Variants in ANO3 observed in about 807,000 individuals in gnomAD.
ANO3 encodes the protein anoctamin-3.
A neutral mutation model predicts 144.8 loss-of-function variants in ANO3; 99 were observed. That is an observed-to-expected ratio of 0.68 (90% CI 0.58 to 0.81). ANO3 has a LOEUF of 0.81. ANO3 is among the 30% of genes least tolerant of loss of function. The probability of loss-of-function intolerance (pLI) is 0.00; values close to 1 mark genes in which losing one functional copy is unlikely to be tolerated. For missense variants in ANO3, 905 were observed against 1,202.2 expected (o/e 0.75, Z 3.66); for synonymous variants, 414 against 392.6 (o/e 1.05, Z -0.64).
At chr11:26,211,438 G>A (rs1056147700) in intron 1 of ANO3, among the ~76,000 whole-genome samples, 4 of 152,008 alleles carry the variant, frequency 2.6e-5, no homozygotes, top group African/African-American at 4.8e-5. Context: ...TAACATTTAT[G>A]TGGCCAATGA....
chr11:26,400,964 A>G (rs1205951798), intron 1 of ANO3, among the ~76,000 whole-genome samples: 1 of 151,968 alleles, frequency 6.6e-6, no homozygotes, highest in Non-Finnish European at 1.5e-5. Flanking sequence ...ACTTCATCCT[A>G]AAGTTAAGTA....
At chr11:26,235,014 G>C (rs563024004) in intron 1 of ANO3, among the ~76,000 whole-genome samples, 31 of 152,094 alleles carry the variant, frequency 2.0e-4, no homozygotes, top group African/African-American at 7.2e-4. Flanking sequence ...GAGAGAGAGA[G>C]AGAGAGAGAG....
At chr11:26,309,332 G>A (rs1220361156), upstream of ANO3, among the ~76,000 whole-genome samples, 1 of 152,134 alleles carries the variant, frequency 6.6e-6, no homozygotes, top group Non-Finnish European at 1.5e-5. Context: ...TATTAGAAGA[G>A]TGTGTTACCC....
At position 26,463,680 on chromosome 11, in the gene ANO3, C is replaced by G. The variant is rs149155340; in HGVS notation, c.432+532C>G. On this transcript the variant is annotated intron_variant, in intron 4 of 26. Coordinates refer to ENST00000256737, the MANE Select transcript of ANO3 (RefSeq NM_031418.4). Reference sequence around the variant, plus strand: ...TTATTGAAATTATAGTTCACCAATACAAAAATGAGGTAGAGTTCAATTTTA... The same window carrying G: ...TTATTGAAATTATAGTTCACCAATAGAAAAATGAGGTAGAGTTCAATTTTA... Among the ~76,000 whole-genome samples, 3 of 151,784 alleles carry G rather than the reference C, an allele frequency of 2.0e-5. 1 individual carries two copies. Among genetic ancestry groups the G allele is most frequent in the Admixed American group, 2.0e-4 (3 of 15,210 alleles).
At chr11:26,553,165 G>T in intron 12 of ANO3, 84 bp from the exon 13 acceptor site, 1 of 991,624 alleles carries the variant, frequency 1.0e-6, no homozygotes, top group South Asian at 1.4e-5. Context: ...GGTTCCAACA[G>T]GATTTGCTGT....
At chr11:26,460,219 A>G in intron 3 of ANO3, 2 of 341,036 alleles carry the variant, frequency 5.9e-6, no homozygotes. Flanking sequence ...CTTCTGTTAT[A>G]TATTTTTTCA....
intron 20 of ANO3, among the ~76,000 whole-genome samples, chr11:26,637,792 T>G (rs1853010982): frequency 6.6e-6 from 1 of 152,162 alleles, no homozygotes; most frequent in Non-Finnish European, 1.5e-5. Flanking sequence ...ATTTGTTCTC[T>G]TTGAAGTTCC....
chr11:26,506,795 T>A (rs1429620049), intron 4 of ANO3, among the ~76,000 whole-genome samples: 2 of 152,222 alleles, frequency 1.3e-5, no homozygotes, highest in Middle Eastern at 3.2e-3. Context: ...CTTTCTTGGA[T>A]ATTCTTTCTG....
At chr11:26,485,590 A>G (rs1316684356) in intron 4 of ANO3, among the ~76,000 whole-genome samples, 1 of 152,164 alleles carries the variant, frequency 6.6e-6, no homozygotes, top group South Asian at 2.1e-4. Flanking sequence ...TCAAGACCAG[A>G]AAAATACATC....
chr11:26,395,144 T>A (rs1320693481), intron 1 of ANO3, among the ~76,000 whole-genome samples: 1 of 152,180 alleles, frequency 6.6e-6, no homozygotes, highest in Non-Finnish European at 1.5e-5. Context: ...TTATCTGTTT[T>A]CGTACCAGTA....
intron 1 of ANO3, among the ~76,000 whole-genome samples, chr11:26,378,454 A>G (rs954527358): frequency 6.8e-6 from 1 of 147,244 alleles, no homozygotes; most frequent in African/African-American, 2.5e-5. Context: ...ATCTATCTAT[A>G]TAGACTAGTT....
intron 1 of ANO3, among the ~76,000 whole-genome samples, chr11:26,313,132 C>T (rs954000928): frequency 6.6e-6 from 1 of 152,064 alleles, no homozygotes; most frequent in Non-Finnish European, 1.5e-5. Context: ...CCTAGCATAT[C>T]GATGCAAAAT....
intron 8 of ANO3, among the ~76,000 whole-genome samples, chr11:26,531,887 T>C (rs750780056): frequency 3.3e-5 from 5 of 152,204 alleles, no homozygotes; most frequent in Non-Finnish European, 7.3e-5. Context: ...CTAGTATTTA[T>C]TGTGTTTCTA....
At chr11:26,194,413 A>C (rs892524012) in intron 1 of ANO3, among the ~76,000 whole-genome samples, 1 of 133,616 alleles carries the variant, frequency 7.5e-6, no homozygotes, top group African/African-American at 2.9e-5. Flanking sequence ...AATTTTCAAA[A>C]TTTTTCATCT....
chr11:26,452,137 A>G (rs1249829243), intron 3 of ANO3, among the ~76,000 whole-genome samples: 2 of 152,188 alleles, frequency 1.3e-5, no homozygotes, highest in African/African-American at 4.8e-5. Flanking sequence ...TGGGGAAAAA[A>G]CAGAGCAGAA....
intron 1 of ANO3, among the ~76,000 whole-genome samples, chr11:26,396,823 TAGG>T (rs1857026517): frequency 6.6e-6 from 1 of 151,656 alleles, no homozygotes; most frequent in Non-Finnish European, 1.5e-5. Flanking sequence ...GGGATAACAT[TAGG>T]AGAAATATCT....
chr11:26,621,372 G>T (rs1852410319), intron 17 of ANO3, among the ~76,000 whole-genome samples: 2 of 152,054 alleles, frequency 1.3e-5, no homozygotes, highest in Admixed American at 1.3e-4. Context: ...TGCCCTTCAT[G>T]AAATACATCA....
chr11:26,315,245 G>A (rs7942713), intron 1 of ANO3, among the ~76,000 whole-genome samples: 3,033 of 152,106 alleles, frequency 0.02, 94 homozygotes, highest in African/African-American at 0.066. Context: ...AATCCACTTC[G>A]GGTGAGCAGC....
chr11:26,536,667 G>A (rs191125035), intron 9 of ANO3, among the ~76,000 whole-genome samples: 169 of 151,766 alleles, frequency 1.1e-3, no homozygotes, highest in African/African-American at 3.5e-3. Context: ...ATTACTCTTC[G>A]AAAACATTAT....
Sources: gnomAD v4.1 joint callset for allele counts (sites outside exome capture counted in the v4.1 genomes callset) on GRCh38, gnomAD v4.1.1 for gene constraint, MANE v1.5 for transcripts, NCBI Gene and HGNC (gene_info 2026-07-23, HGNC 2026-07-21) for gene names.